MAN1A1: variants seen among roughly 807,000 people sequenced by gnomAD.
The protein encoded by MAN1A1 is mannosidase alpha class 1A member 1.
In MAN1A1, 29 loss-of-function variants were observed where a neutral mutation model predicts 70.8. That is an observed-to-expected ratio of 0.41 (90% confidence interval 0.31 to 0.56). MAN1A1 has a LOEUF of 0.56. Ranked by LOEUF, MAN1A1 falls within the 20% of genes least tolerant of loss-of-function variation. The pLI, the probability that MAN1A1 is intolerant of heterozygous loss-of-function variation, is 0.29. For missense variants in MAN1A1, 747 were observed against 841.3 expected (o/e 0.89, Z 1.39); for synonymous variants, 349 against 330.1 (o/e 1.06, Z -0.62).
At chr6:119,245,716 T>C (rs1775151811) in intron 6 of MAN1A1, among the ~76,000 whole-genome samples, 1 of 152,124 alleles carries the variant, frequency 6.6e-6, no homozygotes, top group Admixed American at 6.6e-5. Context: ...TTCATGCATG[T>C]TGCCAAGAAG....
intron 4 of MAN1A1, among the ~76,000 whole-genome samples, chr6:119,296,357 G>A (rs563521999): frequency 7.0e-4 from 107 of 152,134 alleles, no homozygotes; most frequent in Admixed American, 1.6e-3. Context: ...AGTATCCTCT[G>A]AAAACCAAAA....
At chr6:119,350,269 C>T (rs1773875051), upstream of MAN1A1, among the ~76,000 whole-genome samples, 1 of 152,292 alleles carries the variant, frequency 6.6e-6, no homozygotes, top group African/African-American at 2.4e-5. Flanking sequence ...GGCTTTACTC[C>T]AGTTACCCTC....
chr6:119,278,660 C>G (rs1309946883), intron 5 of MAN1A1, among the ~76,000 whole-genome samples: 1 of 151,832 alleles, frequency 6.6e-6, no homozygotes, highest in Non-Finnish European at 1.5e-5. Flanking sequence ...TGAAATGTGC[C>G]CCCCCCAGTG....
chr6:119,197,371 A>G (rs1188201992), intron 8 of MAN1A1, among the ~76,000 whole-genome samples: 1 of 152,148 alleles, frequency 6.6e-6, no homozygotes, highest in Non-Finnish European at 1.5e-5. Flanking sequence ...ATGTATTCAC[A>G]AAATTCAAGT....
chr6:119,268,088 G>A (rs1035646285), intron 5 of MAN1A1, among the ~76,000 whole-genome samples: 1 of 152,172 alleles, frequency 6.6e-6, no homozygotes, highest in Non-Finnish European at 1.5e-5. Flanking sequence ...AGCTGTTGGT[G>A]ACCATGGTCC....
Position 119,342,667 on chromosome 6 carries a change from C to G in MAN1A1, c.603+5796G>C, listed in dbSNP as rs201948288. Among the ~76,000 whole-genome samples the G allele has an allele frequency of 2.6e-5, 4 of 152,140 alleles. No individual in the cohort carries two copies. In the East Asian group the frequency reaches 7.7e-4, roughly 29 times the overall value. On this transcript the variant is annotated intron_variant, in intron 2 of 12. Transcript: ENST00000368468. ...GGATCAGAGACAGGTAAGTGCATCCCAAAAGAGAATCGCCAGAACCTACTT... is the reference window on the plus strand; with the variant it reads ...GGATCAGAGACAGGTAAGTGCATCCGAAAAGAGAATCGCCAGAACCTACTT...
At chr6:119,297,098 A>G (rs1582780002) in intron 4 of MAN1A1, among the ~76,000 whole-genome samples, 1 of 152,346 alleles carries the variant, frequency 6.6e-6, no homozygotes, top group Non-Finnish European at 1.5e-5. Context: ...AGTGCCAGTA[A>G]AAGAACACAA....
At chr6:119,314,844 C>T (rs973469827) in intron 2 of MAN1A1, among the ~76,000 whole-genome samples, 4 of 152,128 alleles carry the variant, frequency 2.6e-5, no homozygotes, top group African/African-American at 7.2e-5. Context: ...TCCTCCACTT[C>T]GGCTCTCAGC....
At chr6:119,187,412 T>C (rs2114929973) in intron 11 of MAN1A1, among the ~76,000 whole-genome samples, 1 of 152,324 alleles carries the variant, frequency 6.6e-6, no homozygotes, top group African/African-American at 2.4e-5. Context: ...TGACTACTGA[T>C]TAAATGTAAT....
chr6:119,264,913 A>G (rs1260496396), intron 5 of MAN1A1, among the ~76,000 whole-genome samples: 1 of 152,176 alleles, frequency 6.6e-6, no homozygotes, highest in Non-Finnish European at 1.5e-5. Context: ...AGGAGGTTAA[A>G]AACATTTTTA....
At chr6:119,305,648 C>A (rs973870174) in intron 3 of MAN1A1, among the ~76,000 whole-genome samples, 1 of 152,152 alleles carries the variant, frequency 6.6e-6, no homozygotes, top group African/African-American at 2.4e-5. Context: ...GCAAACCCTG[C>A]AATGCCTTTC....
rs1229125559 is a variant in MAN1A1 at position 119,204,851 on chromosome 6, C to T, written c.1024G>A (p.Gly342Arg). The change falls in exon 7 of 13, where the codon GGA (glycine) becomes AGA (arginine). Residue 342 changes from glycine (G) to arginine (R), a missense_variant. Around this residue, in one of 2 missense-constraint regions of MAN1A1, gnomAD observed 419 missense variants for 548.2 expected, o/e 0.76. Transcript: ENST00000368468. ...AATTCTGCCAGAATACTGCTGCCTCCAGAGGCCCAGGGCCAGTTCCTTCCA... is the reference window on the plus strand; with the variant it reads ...AATTCTGCCAGAATACTGCTGCCTCTAGAGGCCCAGGGCCAGTTCCTTCCA... ...GIGRNWPWAS[G>R]GSSILAEFGT... 6.2e-7 allele frequency: 1 copy of T among 1,613,844 alleles called. No homozygotes were observed. The highest frequency in any genetic ancestry group is 8.5e-7 in the Non-Finnish European group (1 of 1,179,890).
intron 2 of MAN1A1, among the ~76,000 whole-genome samples, chr6:119,312,177 T>C (rs533477658): frequency 1.2e-3 from 188 of 152,306 alleles, no homozygotes; most frequent in African/African-American, 4.3e-3. Flanking sequence ...AAGAGCAATC[T>C]AACTCACTGA....
intron 6 of MAN1A1, among the ~76,000 whole-genome samples, chr6:119,208,105 A>C (rs1322622638): frequency 6.6e-6 from 1 of 152,194 alleles, no homozygotes; most frequent in Non-Finnish European, 1.5e-5. Flanking sequence ...ATCTTGTTAC[A>C]ATGACTACAT....
chr6:119,219,546 T>A (rs1249388788), intron 6 of MAN1A1, among the ~76,000 whole-genome samples: 2 of 152,172 alleles, frequency 1.3e-5, no homozygotes, highest in African/African-American at 2.4e-5. Flanking sequence ...TTTTTATCTT[T>A]TTGGATTAAG....
chr6:119,217,774 G>A (rs1012997733), intron 6 of MAN1A1, among the ~76,000 whole-genome samples: 1 of 152,044 alleles, frequency 6.6e-6, no homozygotes, highest in Non-Finnish European at 1.5e-5. Context: ...TTCCTCCTGC[G>A]CCTCCAACCT....
At chr6:119,194,936 T>C (rs2064159) in intron 8 of MAN1A1, among the ~76,000 whole-genome samples, 2 of 151,580 alleles carry the variant, frequency 1.3e-5, no homozygotes, top group African/African-American at 2.4e-5. Flanking sequence ...AGGTTCAAGC[T>C]ATTCTCCTGC....
chr6:119,271,783 C>T (rs1775932068), intron 5 of MAN1A1, among the ~76,000 whole-genome samples: 1 of 152,236 alleles, frequency 6.6e-6, no homozygotes, highest in Non-Finnish European at 1.5e-5. Flanking sequence ...GGATTACAGG[C>T]ATGAGCCACC....
Position 119,302,028 on chromosome 6 carries a change from T to C in MAN1A1, c.776A>G (p.Glu259Gly), listed in dbSNP as rs1480947481. The C allele has an allele frequency of 4.4e-6, 7 of 1,608,430 alleles. No homozygotes were observed. The highest frequency in any genetic ancestry group is 6.0e-6 in the Non-Finnish European group (7 of 1,175,768). Reference protein sequence around the residue: ...FIMEMKHEFEEAKSWVEENLD... With the variant: ...FIMEMKHEFEGAKSWVEENLD... The stretch of plus-strand genomic sequence containing the variant: ...ATTTTCTTCAACCCATGATTTTGCT[T>C]CTTCAAATTCATGTTTCATTTCCAT... Residue 259 changes from glutamate (E) to glycine (G), a missense_variant, in exon 4 of 13, where the codon GAA (glutamate) becomes GGA (glycine). Coordinates refer to ENST00000368468, the MANE Select transcript of MAN1A1 (RefSeq NM_005907.4).
Sources: allele counts gnomAD v4.1 joint callset (sites outside exome capture counted in the v4.1 genomes callset), GRCh38; gene constraint gnomAD v4.1.1; regional missense constraint gnomAD v4.1.1; transcripts MANE v1.5; gene names NCBI Gene and HGNC (gene_info 2026-07-23, HGNC 2026-07-21).